Variants in TSHZ1 observed in about 807,000 individuals in gnomAD.
TSHZ1 encodes teashirt zinc finger homeobox 1, also known as teashirt homolog 1.
A neutral mutation model predicts 67.1 loss-of-function variants in TSHZ1; 12 were observed. The ratio of observed to expected loss-of-function variants is 0.18; its 90% CI spans 0.11 to 0.29. The LOEUF (loss-of-function observed/expected upper bound fraction) is 0.29, where lower values mean the gene tolerates loss of function less well. TSHZ1 is among the 10% of genes least tolerant of loss of function. The pLI, the probability that TSHZ1 is intolerant of heterozygous loss-of-function variation, is 1.00. For missense variants in TSHZ1, 1,305 were observed against 1,413.9 expected, an observed-to-expected ratio of 0.92 and a Z score of 1.23; for synonymous variants, 632 against 622.4, an observed-to-expected ratio of 1.02 and a Z score of -0.23.
intron 1 of TSHZ1, among the ~76,000 whole-genome samples, chr18:75,262,754 C>G (rs1450011127): frequency 2.0e-5 from 3 of 152,162 alleles, no homozygotes; most frequent in Non-Finnish European, 4.4e-5. Context: ...AGCGTCTTTC[C>G]TCTTCCTGTG....
chr18:75,285,006 CTG>C (rs977359944), intron 1 of TSHZ1: 3 of 155,516 alleles, frequency 1.9e-5, no homozygotes, highest in African/African-American at 7.2e-5. Flanking sequence ...GATATACTGT[CTG>C]TGAATATCCT....
intron 1 of TSHZ1, among the ~76,000 whole-genome samples, chr18:75,220,684 C>T (rs1272609926): frequency 2.0e-5 from 3 of 152,140 alleles, no homozygotes; most frequent in East Asian, 1.9e-4. Flanking sequence ...AAGGCCTATT[C>T]GCTAAGCCGC....
chr18:75,277,481 C>T (rs1426142187), intron 1 of TSHZ1, among the ~76,000 whole-genome samples: 1 of 152,032 alleles, frequency 6.6e-6, no homozygotes. Flanking sequence ...GGACTGTGAG[C>T]AACAGACTTG....
chr18:75,280,487 C>T (rs961342746), intron 1 of TSHZ1, among the ~76,000 whole-genome samples: 5 of 152,226 alleles, frequency 3.3e-5, no homozygotes, highest in African/African-American at 1.2e-4. Flanking sequence ...TACTCCATAT[C>T]TTCTCTGGCA....
intron 1 of TSHZ1, among the ~76,000 whole-genome samples, chr18:75,235,579 G>A (rs545072373): frequency 6.6e-6 from 1 of 152,226 alleles, no homozygotes; most frequent in South Asian, 2.1e-4. Flanking sequence ...GACAGTTCAA[G>A]GACAAAGTAA....
intron 1 of TSHZ1, among the ~76,000 whole-genome samples, chr18:75,265,410 A>G (rs2023478569): frequency 2.0e-5 from 3 of 152,212 alleles, no homozygotes; most frequent in African/African-American, 4.8e-5. Flanking sequence ...TTAGCAACCC[A>G]TTATCATAAT....
Position 75,211,911 on chromosome 18 carries a change from C to A in TSHZ1, c.35C>A (p.Ser12Ter). ...AGGAAGCAGCAGGCCCCCCGGCGCTCGGCAGGTAACGGGCGCGCGGCCCGC... is the reference window on the plus strand; with the variant it reads ...AGGAAGCAGCAGGCCCCCCGGCGCTAGGCAGGTAACGGGCGCGCGGCCCGC... ...PRRKQQAPRR[S>*]AAYVPEEELK... is the part of the protein sequence containing the mutation. The change falls in exon 1 of 2, where the codon TCG (serine) becomes TAG (stop). Residue 12 changes from serine to a stop codon, truncating the protein, a stop_gained. Transcript: ENST00000580243. LOFTEE classifies it high-confidence loss of function. 2 of 1,201,736 alleles carry A rather than the reference C, an allele frequency of 1.7e-6. No individual in the cohort carries two copies. The highest frequency in any genetic ancestry group is 4.2e-5 in the South Asian group (1 of 24,038). 74.4% of individuals were successfully genotyped at this position (1,201,736 alleles called of 1,614,324 possible). A position where few individuals can be genotyped will look rare whatever the true frequency, so the allele number is the denominator to read the frequency against.
At chr18:75,221,456 C>T (rs886592408) in intron 1 of TSHZ1, among the ~76,000 whole-genome samples, 2 of 152,212 alleles carry the variant, frequency 1.3e-5, no homozygotes, top group Non-Finnish European at 2.9e-5. Flanking sequence ...TAAAAGCCAG[C>T]TGCAAGATTC....
At chr18:75,228,345 G>A (rs933299281) in intron 1 of TSHZ1, among the ~76,000 whole-genome samples, 2 of 152,202 alleles carry the variant, frequency 1.3e-5, no homozygotes, top group African/African-American at 4.8e-5. Context: ...GTACATTAAA[G>A]ATGGCTTTCC....
chr18:75,241,991 T>C (rs935615102), intron 1 of TSHZ1, among the ~76,000 whole-genome samples: 2 of 149,732 alleles, frequency 1.3e-5, no homozygotes, highest in Non-Finnish European at 3.0e-5. Context: ...GCAAACACCC[T>C]ATTTCCAAAC....
rs1331754589 is a variant in TSHZ1 at position 75,211,255 on chromosome 18, G to T, written c.-622G>T. On this transcript the variant is annotated 5_prime_UTR_variant, in exon 1 of 2. Coordinates refer to ENST00000580243, the MANE Select transcript of TSHZ1 (RefSeq NM_001308210.2). ...TCCCCCCGGCGCATGTATGTACGGG[G>T]GCTTCACTCCTCTGTCTTGTTTGCT... 6.6e-6 allele frequency: 1 copy of T among 152,018 alleles called. No individual in the cohort carries two copies. Among genetic ancestry groups the T allele is most frequent in the Non-Finnish European group, 1.5e-5 (1 of 68,066 alleles). The allele number at this position is 152,018 out of a possible 1,614,324, so 9.4% of individuals were successfully genotyped here. A position where few individuals can be genotyped will look rare whatever the true frequency, so the allele number is the denominator to read the frequency against.
intron 1 of TSHZ1, among the ~76,000 whole-genome samples, chr18:75,249,053 C>G (rs2023259726): frequency 6.6e-6 from 1 of 152,194 alleles, no homozygotes; most frequent in Non-Finnish European, 1.5e-5. Context: ...ATCTGGGCCA[C>G]TGTGGTCCCT....
intron 1 of TSHZ1, among the ~76,000 whole-genome samples, chr18:75,253,741 C>G (rs1286323246): frequency 6.6e-6 from 1 of 152,210 alleles, no homozygotes; most frequent in Admixed American, 6.5e-5. Context: ...GGATAGATGG[C>G]TTAGGCATGA....
At chr18:75,212,616 A>T (rs1035127680) in intron 1 of TSHZ1, among the ~76,000 whole-genome samples, 3 of 152,166 alleles carry the variant, frequency 2.0e-5, no homozygotes, top group African/African-American at 7.2e-5. Context: ...CCTTTGATCT[A>T]TTCATTCCTG....
At chr18:75,247,641 A>C (rs1172881194) in intron 1 of TSHZ1, among the ~76,000 whole-genome samples, 1 of 152,148 alleles carries the variant, frequency 6.6e-6, no homozygotes, top group South Asian at 2.1e-4. Flanking sequence ...TCTGATATAG[A>C]TAGAGGTGAA....
intron 1 of TSHZ1, among the ~76,000 whole-genome samples, chr18:75,239,907 G>A (rs1361310730): frequency 6.6e-6 from 1 of 152,208 alleles, no homozygotes; most frequent in Non-Finnish European, 1.5e-5. Context: ...GTTGGGGGCA[G>A]CCCAGCATGC....
chr18:75,232,150 C>T (rs867185607), intron 1 of TSHZ1, among the ~76,000 whole-genome samples: 4 of 152,136 alleles, frequency 2.6e-5, no homozygotes, highest in African/African-American at 9.6e-5. Context: ...TGACCTTGGG[C>T]GATCCACCTG....
chr18:75,288,697 T>G lies in TSHZ1; in HGVS notation c.*56T>G. The G allele has an allele frequency of 1.3e-6, 2 of 1,526,188 alleles. No individual in the cohort carries two copies. The highest frequency in any genetic ancestry group is 4.5e-5 in the East Asian group (2 of 44,148). The allele number at this position is 1,526,188 out of a possible 1,614,324, so 94.5% of individuals were successfully genotyped here. On this transcript the variant is annotated 3_prime_UTR_variant, in exon 2 of 2. Transcript: ENST00000580243. This position sits in a 1 kb window ranked among gnomAD's most constrained non-coding sequence, Gnocchi z 4.9. ...TGCACTAAACGTCGTCGAGCTGCAC[T>G]AGGCCTGGCCTGAGCCTCTGAAATC... is the stretch of plus-strand genomic sequence containing the variant.
At position 75,284,040 on chromosome 18, in the gene TSHZ1, C is replaced by G. The variant is rs555706029; in HGVS notation, c.41-1408C>G. 3.3e-5 allele frequency: 5 copies of G among 152,736 alleles called. No homozygotes were observed. In the East Asian group the frequency reaches 9.6e-4, roughly 29 times the overall value. The allele number at this position is 152,736 out of a possible 1,614,324, so 9.5% of individuals were successfully genotyped here. A position where few individuals can be genotyped will look rare whatever the true frequency, so the allele number is the denominator to read the frequency against. ...GATTTTCTGCAAAATATCTGAACCC[C>G]AAATACCCCAAGTTGTTGATGGAAC... On this transcript the variant is annotated intron_variant, in intron 1 of 1. Transcript: ENST00000580243.
Sources: allele counts gnomAD v4.1 joint callset (sites outside exome capture counted in the v4.1 genomes callset), GRCh38; gene constraint gnomAD v4.1.1; non-coding constraint Gnocchi (gnomAD v3.1); transcripts MANE v1.5; gene names NCBI Gene and HGNC (gene_info 2026-07-23, HGNC 2026-07-21).